Variants in RPRD1A observed in about 807,000 individuals in gnomAD.
The protein encoded by RPRD1A is regulation of nuclear pre-mRNA domain containing 1A.
Under a neutral mutation model 37.8 loss-of-function variants are expected in RPRD1A, and 9 were observed. The observed-to-expected ratio is 0.24, with a 90% CI of 0.14 to 0.42. The LOEUF (loss-of-function observed/expected upper bound fraction) is 0.42, where lower values mean the gene tolerates loss of function less well. Among genes scored for constraint, RPRD1A ranks in the 10% least tolerant of loss-of-function variants. The pLI, the probability that RPRD1A is intolerant of heterozygous loss-of-function variation, is 1.00. For synonymous variants in RPRD1A, 138 were observed against 139.7 expected, an observed-to-expected ratio of 0.99 and a Z score of 0.08; for missense variants, 255 against 371.0, an observed-to-expected ratio of 0.69 and a Z score of 2.57.
At chr18:36,014,735 T>TC (rs1910397341) in intron 6 of RPRD1A, among the ~76,000 whole-genome samples, 1 of 152,002 alleles carries the variant, frequency 6.6e-6, no homozygotes, top group African/African-American at 2.4e-5. Context: ...AAAGCGAGAC[T>TC]CCGTCTCAAG....
Position 36,002,856 on chromosome 18 carries a change from G to A in RPRD1A, c.790-9556C>T, listed in dbSNP as rs770745192. Among the ~76,000 whole-genome samples the A allele has an allele frequency of 9.2e-5, 14 of 152,282 alleles. No individual in the cohort carries two copies. In the South Asian group the frequency reaches 1.7e-3, roughly 18 times the overall value. ...TAAGGTGTTATTAATCTAGTTAGGC[G>A]TTAGACTGTGTATAAGATCTGCTAT... On this transcript the variant is annotated intron_variant, in intron 6 of 6. Transcript: ENST00000399022.
At chr18:36,066,719 A>G (rs1275837916) in intron 1 of RPRD1A, among the ~76,000 whole-genome samples, 1 of 152,270 alleles carries the variant, frequency 6.6e-6, no homozygotes, top group African/African-American at 2.4e-5. Context: ...CGCAGAAGTT[A>G]TAAGAAACTT....
intron 4 of RPRD1A, chr18:36,028,009 G>A (rs1911498919): frequency 6.6e-6 from 1 of 151,870 alleles, no homozygotes; most frequent in Admixed American, 6.6e-5. Context: ...TAATTAGGAG[G>A]GAAGCGCAAC....
intron 1 of RPRD1A, among the ~76,000 whole-genome samples, chr18:36,046,051 G>C (rs1827655220): frequency 6.6e-6 from 1 of 152,174 alleles, no homozygotes; most frequent in African/African-American, 2.4e-5. Flanking sequence ...AGGTGTGATA[G>C]AGCTTTTATG....
chr18:36,061,818 G>A (rs1339759931), intron 1 of RPRD1A, among the ~76,000 whole-genome samples: 5 of 152,096 alleles, frequency 3.3e-5, no homozygotes, highest in Non-Finnish European at 5.9e-5. Flanking sequence ...TTTTAAAATA[G>A]GCAGAATAGA....
intron 6 of RPRD1A, among the ~76,000 whole-genome samples, chr18:36,004,972 T>C (rs979235159): frequency 2.6e-5 from 4 of 152,044 alleles, no homozygotes; most frequent in Admixed American, 6.6e-5. Flanking sequence ...CTATGTTAAG[T>C]TGAAGAAACT....
chr18:36,038,518 T>C (rs1428828442), intron 1 of RPRD1A, among the ~76,000 whole-genome samples: 3 of 152,244 alleles, frequency 2.0e-5, no homozygotes, highest in Non-Finnish European at 2.9e-5. Flanking sequence ...CAAAAGTCTG[T>C]TGCAGAGGCA....
In RPRD1A at chr18:36,026,883, A is replaced by G. The variant is rs757603182; in HGVS notation, c.789+17T>C. The G allele has an allele frequency of 4.4e-6, 7 of 1,599,296 alleles. No individual in the cohort carries two copies. Among genetic ancestry groups the G allele is most frequent in the Non-Finnish European group, 6.0e-6 (7 of 1,172,022 alleles). ...GAATTAAATAAATAAGCACTAAAGAAGAAAAAGGTTACGCACTTCCAATTT... is the reference window on the plus strand; with the variant it reads ...GAATTAAATAAATAAGCACTAAAGAGGAAAAAGGTTACGCACTTCCAATTT... On this transcript the variant is annotated intron_variant, in intron 6 of 6. Coordinates refer to ENST00000399022, the MANE Select transcript of RPRD1A (RefSeq NM_018170.5).
chr18:36,014,834 T>C (rs1201458164), intron 6 of RPRD1A, among the ~76,000 whole-genome samples: 1 of 152,088 alleles, frequency 6.6e-6, no homozygotes, highest in Non-Finnish European at 1.5e-5. Context: ...CATAAGCATA[T>C]GAAAAAGGTG....
rs1424640101 is a variant in RPRD1A at position 36,018,525 on chromosome 18, G to A, written c.789+8375C>T. ...CCTGACCTCGTGATCCACCCGCCTC[G>A]GCCTCCCAAAGTGCTAGGATTACAG... On this transcript the variant is annotated intron_variant, in intron 6 of 6. Transcript: ENST00000399022. Among the ~76,000 whole-genome samples, 7 of 151,944 alleles carry A rather than the reference G, an allele frequency of 4.6e-5. No individual in the cohort carries two copies. The East Asian group carries it at 9.7e-4, about 21-fold the overall frequency.
At chr18:36,064,572 A>G (rs1187530060) in intron 1 of RPRD1A, 1 of 152,264 alleles carries the variant, frequency 6.6e-6, no homozygotes, top group African/African-American at 2.4e-5. Flanking sequence ...GTCTAGCTAA[A>G]AGTTTGTAAA....
chr18:36,008,593 T>A (rs1253383309), intron 6 of RPRD1A, among the ~76,000 whole-genome samples: 130 of 7,562 alleles, frequency 0.017, no homozygotes, highest in Non-Finnish European at 0.024. Context: ...ATATATATCT[T>A]TAAAAATCTC....
At position 36,027,520 on chromosome 18, in the gene RPRD1A, C is replaced by T. The variant is rs975852625; in HGVS notation, c.487-210G>A. 47 of 491,610 alleles carry T rather than the reference C, an allele frequency of 9.6e-5. No individual in the cohort carries two copies. The East Asian group carries it at 1.5e-3, about 16-fold the overall frequency. 30.5% of individuals were successfully genotyped at this position (491,610 alleles called of 1,614,324 possible). A position where few individuals can be genotyped will look rare whatever the true frequency, so the allele number is the denominator to read the frequency against. ...GTTGAAAATATAAACAGGACAAGGC[C>T]CTAGACCTTGAAGAGAGCTTACTCC... On this transcript the variant is annotated intron_variant, in intron 4 of 6. Coordinates refer to ENST00000399022, the MANE Select transcript of RPRD1A (RefSeq NM_018170.5).
At chr18:36,010,314 T>A (rs541082323) in intron 6 of RPRD1A, among the ~76,000 whole-genome samples, 1 of 150,636 alleles carries the variant, frequency 6.6e-6, no homozygotes, top group Non-Finnish European at 1.5e-5. Flanking sequence ...ATAAAAAAAA[T>A]AAAAAATAAA....
chr18:36,061,772 T>C (rs928487435), intron 1 of RPRD1A, among the ~76,000 whole-genome samples: 16 of 152,188 alleles, frequency 1.1e-4, no homozygotes, highest in Admixed American at 3.9e-4. Flanking sequence ...CTAGAATACA[T>C]TGGGAACACT....
At chr18:36,032,752 G>A (rs533926854) in intron 2 of RPRD1A, among the ~76,000 whole-genome samples, 1 of 152,336 alleles carries the variant, frequency 6.6e-6, no homozygotes, top group African/African-American at 2.4e-5. Flanking sequence ...CACCTGGATA[G>A]ATCGAGTTGC....
intron 6 of RPRD1A, among the ~76,000 whole-genome samples, chr18:35,995,781 ATG>A (rs1164266050): frequency 1.3e-5 from 2 of 152,212 alleles, no homozygotes; most frequent in Non-Finnish European, 2.9e-5. Context: ...TACCTAAGCC[ATG>A]TGATAAAGGT....
intron 1 of RPRD1A, chr18:36,041,006 T>C (rs1912544267): frequency 5.7e-6 from 3 of 529,560 alleles, no homozygotes; most frequent in Non-Finnish European, 6.5e-6. Flanking sequence ...TAGAGTTTAA[T>C]GCAGAATACT....
At chr18:36,044,479 T>C (rs113024866) in intron 1 of RPRD1A, among the ~76,000 whole-genome samples, 41,597 of 151,678 alleles carry the variant, frequency 0.27, 6,161 homozygotes, top group African/African-American at 0.4. Flanking sequence ...CCAGAGGACA[T>C]GAGTTCGAGA....
Sources: allele counts gnomAD v4.1 joint callset (sites outside exome capture counted in the v4.1 genomes callset), GRCh38; gene constraint gnomAD v4.1.1; transcripts MANE v1.5; gene names NCBI Gene and HGNC (gene_info 2026-07-23, HGNC 2026-07-21).